TUSC3: variants seen among roughly 807,000 people sequenced by gnomAD.
The protein encoded by TUSC3 is dolichyl-diphosphooligosaccharide--protein glycosyltransferase subunit TUSC3.
TUSC3 carries 45 observed loss-of-function variants against 44.8 expected under a neutral mutation model. The ratio of observed to expected loss-of-function variants is 1.00; its 90% CI spans 0.79 to 1.29. TUSC3 has a LOEUF of 1.29. Ranked by LOEUF, TUSC3 falls within the 50% of genes most tolerant of loss-of-function variation. The probability of loss-of-function intolerance (pLI) is 0.00; values close to 1 mark genes in which losing one functional copy is unlikely to be tolerated. For synonymous variants in TUSC3, 212 were observed against 152.9 expected (o/e 1.39, Z -2.85); for missense variants, 519 against 437.9 (o/e 1.19, Z -1.65).
intron 8 of TUSC3, among the ~76,000 whole-genome samples, chr8:15,745,381 G>A (rs969851101): frequency 1.3e-5 from 2 of 151,924 alleles, no homozygotes; most frequent in Non-Finnish European, 2.9e-5. Context: ...GAGAAATCTC[G>A]AAACTGTTTT....
At chr8:15,607,375 C>G (rs923312486) in intron 1 of TUSC3, among the ~76,000 whole-genome samples, 11 of 152,050 alleles carry the variant, frequency 7.2e-5, no homozygotes, top group Admixed American at 1.3e-4. Flanking sequence ...AAACAGTCAA[C>G]TCCTTTACAA....
At chr8:15,530,935 G>A (rs941873422) in intron 2 of TUSC3, among the ~76,000 whole-genome samples, 2 of 152,096 alleles carry the variant, frequency 1.3e-5, no homozygotes, top group Admixed American at 6.6e-5. Context: ...ATGTGATGAC[G>A]AACCTCGGGT....
intron 1 of TUSC3, among the ~76,000 whole-genome samples, chr8:15,480,180 G>A (rs1056234009): frequency 6.6e-6 from 1 of 152,194 alleles, no homozygotes; most frequent in African/African-American, 2.4e-5. Context: ...GGAAATAGAA[G>A]AGGACACAAA....
chr8:15,818,667 A>T, the TUSC3 span, among the ~76,000 whole-genome samples: 2 of 152,204 alleles, frequency 1.3e-5, no homozygotes, highest in South Asian at 4.1e-4. Context: ...TCACTTTTTA[A>T]ATTTTTACAA....
At chr8:15,441,848 C>T (rs2129118580) in intron 1 of TUSC3, among the ~76,000 whole-genome samples, 1 of 152,278 alleles carries the variant, frequency 6.6e-6, no homozygotes, top group South Asian at 2.1e-4. Context: ...TCTCTAAGCA[C>T]AATGTCAACC....
chr8:15,654,031 C>T (rs1166284659), intron 3 of TUSC3, among the ~76,000 whole-genome samples: 3 of 152,144 alleles, frequency 2.0e-5, no homozygotes, highest in Non-Finnish European at 4.4e-5. Flanking sequence ...AAGGAGCTCT[C>T]ATCCAGGAAA....
At chr8:15,525,231 G>C (rs1441688428) in intron 2 of TUSC3, among the ~76,000 whole-genome samples, 1 of 152,062 alleles carries the variant, frequency 6.6e-6, no homozygotes, top group Non-Finnish European at 1.5e-5. Context: ...CTATACCTAA[G>C]TAAAACTGTA....
chr8:15,642,012 C>T (rs1027501909), intron 2 of TUSC3, among the ~76,000 whole-genome samples: 6 of 152,144 alleles, frequency 3.9e-5, no homozygotes, highest in African/African-American at 7.2e-5. Flanking sequence ...ATACATTAAT[C>T]GTGTGGGCTT....
chr8:15,714,433 A>T (rs1476084666), intron 6 of TUSC3, among the ~76,000 whole-genome samples: 2 of 152,140 alleles, frequency 1.3e-5, no homozygotes, highest in African/African-American at 2.4e-5. Flanking sequence ...ATTATCACAA[A>T]TTTTTACATT....
the TUSC3 span, among the ~76,000 whole-genome samples, chr8:15,822,372 G>C: frequency 6.6e-6 from 1 of 152,068 alleles, no homozygotes; most frequent in South Asian, 2.1e-4. Flanking sequence ...TAATAGTTTA[G>C]ACTCCATAAG....
At chr8:15,716,724 C>T (rs1451907317) in intron 6 of TUSC3, among the ~76,000 whole-genome samples, 1 of 151,978 alleles carries the variant, frequency 6.6e-6, no homozygotes, top group Non-Finnish European at 1.5e-5. Flanking sequence ...AAAAGAAAAT[C>T]ATTTTTTAAT....
At chr8:15,569,888 G>C (rs1802807309) in intron 1 of TUSC3, among the ~76,000 whole-genome samples, 1 of 150,446 alleles carries the variant, frequency 6.6e-6, no homozygotes, top group South Asian at 2.1e-4. Flanking sequence ...TGGCTTTAGT[G>C]CTGCTTATTT....
chr8:15,541,151 G>A (rs1801678746), intron 1 of TUSC3, among the ~76,000 whole-genome samples: 1 of 152,150 alleles, frequency 6.6e-6, no homozygotes, highest in South Asian at 2.1e-4. Context: ...ACTTTACGTT[G>A]AACTCAGTGT....
At chr8:15,804,469 A>G in the TUSC3 span, among the ~76,000 whole-genome samples, 2 of 152,092 alleles carry the variant, frequency 1.3e-5, no homozygotes, top group Non-Finnish European at 2.9e-5. Context: ...GAGGTCTTAC[A>G]TTTACATTTT....
intron 1 of TUSC3, among the ~76,000 whole-genome samples, chr8:15,577,134 C>A (rs1803147861): frequency 6.7e-6 from 1 of 148,714 alleles, no homozygotes; most frequent in Admixed American, 6.8e-5. Flanking sequence ...CTGTTCATGT[C>A]CTTTGCCCAC....
At chr8:15,669,015 A>G (rs1807809963) in intron 5 of TUSC3, among the ~76,000 whole-genome samples, 3 of 151,880 alleles carry the variant, frequency 2.0e-5, no homozygotes, top group African/African-American at 2.4e-5. Flanking sequence ...AGAAGTTACA[A>G]TTTGGGACCC....
At chr8:15,789,106 A>G in the TUSC3 span, among the ~76,000 whole-genome samples, 5,567 of 152,284 alleles carry the variant, frequency 0.037, 362 homozygotes, top group African/African-American at 0.13. Context: ...ATGACTATGA[A>G]CAAATAGCAT....
chr8:15,456,267 G>A (rs1167689397), intron 1 of TUSC3, among the ~76,000 whole-genome samples: 1 of 152,178 alleles, frequency 6.6e-6, no homozygotes. Context: ...TTACTGCAAT[G>A]CTGTGGTCTC....
the TUSC3 span, among the ~76,000 whole-genome samples, chr8:15,844,496 C>T: frequency 1.3e-5 from 2 of 152,048 alleles, no homozygotes; most frequent in South Asian, 2.1e-4. Flanking sequence ...ATGATGAACC[C>T]AACTGCTGGC....
Sources: allele counts gnomAD v4.1 joint callset (sites outside exome capture counted in the v4.1 genomes callset), GRCh38; gene constraint gnomAD v4.1.1; transcripts MANE v1.5; gene names NCBI Gene and HGNC (gene_info 2026-07-23, HGNC 2026-07-21).